Variants in UNC5C observed in about 807,000 individuals in gnomAD.
The protein encoded by UNC5C is netrin receptor UNC5C.
In UNC5C, 47 loss-of-function variants were observed where a neutral mutation model predicts 99.8. The ratio of observed to expected loss-of-function variants is 0.47; its 90% CI spans 0.37 to 0.60. UNC5C has a LOEUF of 0.60. UNC5C is among the 20% of genes least tolerant of loss of function. The pLI is 0.00. For synonymous variants in UNC5C, 487 were observed against 452.2 expected, an observed-to-expected ratio of 1.08 and a Z score of -0.98; for missense variants, 1,062 against 1,165.9, an observed-to-expected ratio of 0.91 and a Z score of 1.30.
intron 1 of UNC5C, among the ~76,000 whole-genome samples, chr4:95,506,126 A>G (rs927131605): frequency 3.3e-5 from 5 of 152,010 alleles, no homozygotes; most frequent in Non-Finnish European, 7.4e-5. Flanking sequence ...CTTAATCTTA[A>G]CAGGTGGGGC....
At chr4:95,294,667 A>G (rs1323784786) in intron 3 of UNC5C, among the ~76,000 whole-genome samples, 1 of 152,206 alleles carries the variant, frequency 6.6e-6, no homozygotes, top group Non-Finnish European at 1.5e-5. Flanking sequence ...TTCAACCTCT[A>G]GGATTGACAG....
chr4:95,370,220 T>C (rs1744703236), intron 1 of UNC5C, among the ~76,000 whole-genome samples: 1 of 152,164 alleles, frequency 6.6e-6, no homozygotes, highest in African/African-American at 2.4e-5. Context: ...TCATTAATAA[T>C]ATTTTATTAT....
At chr4:95,508,543 T>C (rs141066064) in intron 1 of UNC5C, among the ~76,000 whole-genome samples, 306 of 152,006 alleles carry the variant, frequency 2.0e-3, no homozygotes, top group Middle Eastern at 6.8e-3. Flanking sequence ...CTAAAAAAAA[T>C]GCCCTTTGAA....
intron 1 of UNC5C, among the ~76,000 whole-genome samples, chr4:95,440,673 C>T (rs527321244): frequency 1.3e-5 from 2 of 151,744 alleles, no homozygotes; most frequent in South Asian, 4.2e-4. Flanking sequence ...TTCCGAAGAC[C>T]TGACACCGAA....
At chr4:95,316,207 CA>C (rs1195077702) in intron 2 of UNC5C, among the ~76,000 whole-genome samples, 4 of 152,104 alleles carry the variant, frequency 2.6e-5, no homozygotes, top group Non-Finnish European at 5.9e-5. Context: ...ATAGAGAAAA[CA>C]TGTAAAAGGA....
chr4:95,193,669 GTC>G (rs754240623), intron 12 of UNC5C, among the ~76,000 whole-genome samples: 3 of 152,182 alleles, frequency 2.0e-5, no homozygotes, highest in Non-Finnish European at 4.4e-5. Flanking sequence ...TGTCACTGCT[GTC>G]TCTGTCACAG....
In UNC5C at chr4:95,164,073, T is replaced by G. The variant is rs10155123; in HGVS notation, c.*5161A>C. 1.3e-5 allele frequency: 2 copies of G among 152,000 alleles called. No individual in the cohort carries two copies. Among genetic ancestry groups the G allele is most frequent in the African/African-American group, 4.8e-5 (2 of 41,396 alleles). The allele number at this position is 152,000 out of a possible 1,614,324, so 9.4% of individuals were successfully genotyped here. On this transcript the variant is annotated 3_prime_UTR_variant, in exon 16 of 16. Transcript: ENST00000453304. ...AGGAAAACCTAGGAACCATGACTTA[T>G]GAAGACTGGCTGTTAAAGTAGCATT... is the stretch of plus-strand genomic sequence containing the variant.
At chr4:95,529,818 G>A (rs1432592811) in intron 1 of UNC5C, among the ~76,000 whole-genome samples, 1 of 152,134 alleles carries the variant, frequency 6.6e-6, no homozygotes, top group East Asian at 1.9e-4. Context: ...TAAACTGTGT[G>A]CCTAATGTCA....
chr4:95,332,567 C>A (rs368702167), intron 2 of UNC5C, among the ~76,000 whole-genome samples: 11 of 151,894 alleles, frequency 7.2e-5, no homozygotes, highest in South Asian at 4.2e-4. Flanking sequence ...TACAAAAATT[C>A]ATTCAAGATG....
At chr4:95,536,255 T>A (rs1722780757) in intron 1 of UNC5C, among the ~76,000 whole-genome samples, 1 of 152,040 alleles carries the variant, frequency 6.6e-6, no homozygotes, top group Non-Finnish European at 1.5e-5. Context: ...TTTGTATTTT[T>A]AGTAGAGATG....
chr4:95,444,418 C>G (rs1209918470), intron 1 of UNC5C, among the ~76,000 whole-genome samples: 1 of 151,882 alleles, frequency 6.6e-6, no homozygotes, highest in African/African-American at 2.4e-5. Context: ...GCAGGATCCG[C>G]CCCCCTGGCT....
intron 1 of UNC5C, among the ~76,000 whole-genome samples, chr4:95,454,417 A>AGAT (rs1419341283): frequency 6.6e-6 from 1 of 152,148 alleles, no homozygotes; most frequent in African/African-American, 2.4e-5. Context: ...AATGTCTTTG[A>AGAT]GATAGTTTTT....
At chr4:95,169,738 G>GA (rs1736012252) in intron 15 of UNC5C, among the ~76,000 whole-genome samples, 1 of 133,344 alleles carries the variant, frequency 7.5e-6, no homozygotes, top group Non-Finnish European at 1.7e-5. Flanking sequence ...GTTTGGTAGT[G>GA]ACGGTGACAC....
chr4:95,182,677 G>T (rs965478752), intron 14 of UNC5C, among the ~76,000 whole-genome samples: 1 of 151,936 alleles, frequency 6.6e-6, no homozygotes, highest in Non-Finnish European at 1.5e-5. Context: ...TAAAAATTAA[G>T]ACTTGTTTTT....
intron 1 of UNC5C, among the ~76,000 whole-genome samples, chr4:95,426,687 C>T (rs1466384814): frequency 6.6e-6 from 1 of 152,170 alleles, no homozygotes; most frequent in African/African-American, 2.4e-5. Flanking sequence ...ATACACAGAA[C>T]GTTTTAGTGG....
At chr4:95,448,223 T>TGAGAGAGAGAGAGAGAGAGAGAGAGA (rs1355886184) in intron 1 of UNC5C, among the ~76,000 whole-genome samples, 1 of 108,006 alleles carries the variant, frequency 9.3e-6, no homozygotes, top group African/African-American at 3.7e-5. Flanking sequence ...TGTGTGTGTG[T>TGAGAGAGAGAGAGAGAGAGAGAGAGA]GTGTGAGAGA....
In UNC5C at chr4:95,257,411, CAGAAA is replaced by C. The variant is rs373664542; in HGVS notation, c.595-6749_595-6745del. 5.0e-3 allele frequency among the ~76,000 whole-genome samples: 743 copies of C among 149,646 alleles called. 1 individual carries two copies. Among genetic ancestry groups the C allele is most frequent in the Middle Eastern group, 0.01 (3 of 294 alleles). On this transcript the variant is annotated intron_variant, in intron 4 of 15. Coordinates refer to ENST00000453304, the MANE Select transcript of UNC5C (RefSeq NM_003728.4). Reference sequence around the variant, plus strand: ...ACAGCAAGACACTGTCTCCAAAAAACAGAAAAGAAAAGAAAAAAGTGGCATAGGGA... The same window carrying C: ...ACAGCAAGACACTGTCTCCAAAAAACAGAAAAGAAAAAAGTGGCATAGGGA...
At chr4:95,330,351 A>G (rs1743063069) in intron 2 of UNC5C, among the ~76,000 whole-genome samples, 1 of 152,114 alleles carries the variant, frequency 6.6e-6, no homozygotes, top group Admixed American at 6.5e-5. Flanking sequence ...AGACATTTAA[A>G]CATATTCGAC....
At chr4:95,545,990 C>T (rs927130573) in intron 1 of UNC5C, among the ~76,000 whole-genome samples, 1 of 152,228 alleles carries the variant, frequency 6.6e-6, no homozygotes, top group African/African-American at 2.4e-5. Flanking sequence ...TTACAAAACT[C>T]AGTACACTCA....
Sources: gnomAD v4.1 joint callset for allele counts (sites outside exome capture counted in the v4.1 genomes callset) on GRCh38, gnomAD v4.1.1 for gene constraint, MANE v1.5 for transcripts, NCBI Gene and HGNC (gene_info 2026-07-23, HGNC 2026-07-21) for gene names.